Variants in RNF17 observed in about 807,000 individuals in gnomAD.
RNF17 encodes the protein ring finger protein 17.
RNF17 carries 31 observed loss-of-function variants against 200.5 expected under a neutral mutation model. That is an observed-to-expected ratio of 0.15 (90% confidence interval 0.12 to 0.21). The LOEUF (loss-of-function observed/expected upper bound fraction) is 0.21. RNF17 is among the 10% of genes least tolerant of loss of function. RNF17 has a pLI of 1.00. For synonymous variants in RNF17, 606 were observed against 637.8 expected (o/e 0.95, Z 0.75); for missense variants, 1,628 against 1,905.1 (o/e 0.85, Z 2.71).
intron 2 of RNF17, among the ~76,000 whole-genome samples, chr13:24,769,398 C>T (rs112018276): frequency 4.6e-5 from 7 of 152,240 alleles, no homozygotes; most frequent in African/African-American, 9.6e-5. Context: ...TCCCATCCTC[C>T]GTTCCTATTC....
intron 9 of RNF17, 40 bp downstream of exon 9, chr13:24,789,812 G>T (rs745784969): frequency 1.8e-6 from 2 of 1,101,070 alleles, no homozygotes; most frequent in East Asian, 2.4e-5. Context: ...ATTAGTGTCT[G>T]ACAGTACTTA....
intron 22 of RNF17, among the ~76,000 whole-genome samples, chr13:24,849,755 TG>T (rs1418831495): frequency 6.6e-6 from 1 of 152,258 alleles, no homozygotes; most frequent in African/African-American, 2.4e-5. Flanking sequence ...TATCAGATAA[TG>T]TAAAAAATTT....
At chr13:24,789,897 A>T (rs751940327) in intron 9 of RNF17, 125 bp downstream of exon 9, 1 of 650,500 alleles carries the variant, frequency 1.5e-6, no homozygotes, top group Non-Finnish European at 2.7e-6. Flanking sequence ...AATAGTTTCT[A>T]TAGTTAAATT....
chr13:24,857,436 C>A (rs1384338967), intron 25 of RNF17, among the ~76,000 whole-genome samples: 6 of 152,140 alleles, frequency 3.9e-5, no homozygotes, highest in Admixed American at 1.3e-4. Context: ...AACCCGGTTT[C>A]TATAGGCTGC....
At chr13:24,766,632 C>T (rs1879738119) in intron 1 of RNF17, among the ~76,000 whole-genome samples, 1 of 152,140 alleles carries the variant, frequency 6.6e-6, no homozygotes, top group African/African-American at 2.4e-5. Flanking sequence ...TAGTAGAGGG[C>T]AGTATGATCA....
chr13:24,807,469 A>G (rs1382932076), intron 15 of RNF17, among the ~76,000 whole-genome samples: 3 of 152,144 alleles, frequency 2.0e-5, no homozygotes, highest in African/African-American at 4.8e-5. Flanking sequence ...GTCTGTTCAT[A>G]GCCTTCGCCC....
chr13:24,805,167 G>C (rs117565647), intron 15 of RNF17, among the ~76,000 whole-genome samples: 1 of 152,026 alleles, frequency 6.6e-6, no homozygotes, highest in African/African-American at 2.4e-5. Flanking sequence ...TAGGATTTGC[G>C]TTTATTTCTT....
chr13:24,880,061 C>T (rs1299238767), downstream of RNF17: 2 of 152,204 alleles, frequency 1.3e-5, no homozygotes, highest in Admixed American at 6.5e-5. Context: ...TTCCCCCTGC[C>T]TTCTGTAGAA....
intron 22 of RNF17, among the ~76,000 whole-genome samples, chr13:24,848,245 A>T (rs922650557): frequency 6.6e-6 from 1 of 151,972 alleles, no homozygotes; most frequent in South Asian, 2.1e-4. Context: ...CCGGGACTCT[A>T]ACCACTCTGT....
chr13:24,881,303 G>GCTAA, downstream of RNF17, among the ~76,000 whole-genome samples: 1 of 152,032 alleles, frequency 6.6e-6, no homozygotes, highest in South Asian at 2.1e-4. Flanking sequence ...ACCACACCTG[G>GCTAA]CTAACTTTTG....
intron 15 of RNF17, among the ~76,000 whole-genome samples, chr13:24,818,229 T>C (rs529087361): frequency 6.6e-6 from 1 of 152,312 alleles, no homozygotes; most frequent in African/African-American, 2.4e-5. Flanking sequence ...TTCATTGTCA[T>C]AGAGACAAAT....
intron 24 of RNF17, among the ~76,000 whole-genome samples, chr13:24,852,497 A>T (rs111414254): frequency 2.6e-5 from 4 of 152,220 alleles, no homozygotes; most frequent in African/African-American, 7.2e-5. Context: ...ACAAGTCCCA[A>T]TTAGCCACTT....
intron 18 of RNF17, among the ~76,000 whole-genome samples, chr13:24,835,564 A>G (rs751073075): frequency 1.4e-4 from 21 of 152,178 alleles, no homozygotes; most frequent in Middle Eastern, 3.2e-3. Context: ...TAGACCCAGA[A>G]AGAGACAACA....
the RNF17 span, among the ~76,000 whole-genome samples, chr13:24,884,973 A>G: frequency 2.4e-4 from 36 of 152,334 alleles, no homozygotes; most frequent in East Asian, 6.5e-3. Context: ...TAAGAATAAA[A>G]CTGTGCTAGC....
At chr13:24,880,137 G>C (rs1257698897), downstream of RNF17, among the ~76,000 whole-genome samples, 1 of 146,740 alleles carries the variant, frequency 6.8e-6, no homozygotes, top group East Asian at 2.0e-4. Context: ...AGAAAGGAAA[G>C]AGGTTTAATT....
chr13:24,888,238 AT>A, the RNF17 span, among the ~76,000 whole-genome samples: 4 of 152,098 alleles, frequency 2.6e-5, no homozygotes, highest in Admixed American at 6.5e-5. Flanking sequence ...TAAATTCAAC[AT>A]TACAAGGAAA....
At chr13:24,748,374 T>C in the RNF17 span, among the ~76,000 whole-genome samples, 1 of 152,162 alleles carries the variant, frequency 6.6e-6, no homozygotes, top group African/African-American at 2.4e-5. Context: ...GACTTAGAAA[T>C]GGGTTTGAAT....
intron 18 of RNF17, among the ~76,000 whole-genome samples, chr13:24,833,533 G>T (rs890265714): frequency 6.6e-6 from 1 of 152,136 alleles, no homozygotes; most frequent in African/African-American, 2.4e-5. Flanking sequence ...ATCATGTTTC[G>T]TGGGGTTTTT....
At chr13:24,843,057 AAAG>A (rs1350437052) in intron 19 of RNF17, among the ~76,000 whole-genome samples, 1 of 152,028 alleles carries the variant, frequency 6.6e-6, no homozygotes. Context: ...AGCATAAGCC[AAAG>A]AAGTAGTGAC....
Sources: gnomAD v4.1 joint callset for allele counts (sites outside exome capture counted in the v4.1 genomes callset) on GRCh38, gnomAD v4.1.1 for gene constraint, MANE v1.5 for transcripts, NCBI Gene and HGNC (gene_info 2026-07-23, HGNC 2026-07-21) for gene names.